OR2B6: variants seen among roughly 807,000 people sequenced by gnomAD.
OR2B6 encodes the protein olfactory receptor family 2 subfamily B member 6.
For missense variants in OR2B6, 350 were observed against 368.9 expected, an observed-to-expected ratio of 0.95 and a Z score of 0.42; for synonymous variants, 130 against 142.7, an observed-to-expected ratio of 0.91 and a Z score of 0.63.
chr6:27,957,713 G>T lies in OR2B6; in HGVS notation c.473G>T (p.Trp158Leu). ...GTTACTGGTTTTAGTAACTCAGTGT[G>T]GTTGTCTACCCTGACTCTCCAGCTG... Reference protein sequence around the residue: ...SWVTGFSNSVWLSTLTLQLPL... With the variant: ...SWVTGFSNSVLLSTLTLQLPL... The change falls in exon 1 of 1, where the codon TGG (tryptophan) becomes TTG (leucine). Residue 158 changes from tryptophan (W) to leucine (L), a missense_variant. Transcript: ENST00000244623. 1 of 1,613,896 alleles carries T rather than the reference G, an allele frequency of 6.2e-7. No individual in the cohort carries two copies. Among genetic ancestry groups the T allele is most frequent in the Non-Finnish European group, 8.5e-7 (1 of 1,179,882 alleles).
At position 27,957,322 on chromosome 6, in the gene OR2B6, C is replaced by T. The variant is rs139328462; in HGVS notation, c.82C>T (p.Leu28Phe). 1.9e-6 allele frequency: 3 copies of T among 1,613,756 alleles called. No individual in the cohort carries two copies. The highest frequency in any genetic ancestry group is 2.5e-6 in the Non-Finnish European group (3 of 1,179,718). The change falls in exon 1 of 1, where the codon CTT becomes TTT. Residue 28 changes from leucine (L) to phenylalanine (F), a missense_variant. By Grantham distance (22) the Leu-to-Phe change is conservative (BLOSUM62 0). Coordinates refer to ENST00000244623, the MANE Select transcript of OR2B6 (RefSeq NM_012367.1). ...TCGACCTTGGCTGGAGTTTCCACTC[C>T]TTGTGGTCTTCTTGATTTCTTACAC... ...SDRPWLEFPL[L>F]VVFLISYTVT... is the part of the protein sequence containing the mutation.
At position 27,957,567 on chromosome 6, in the gene OR2B6, T is replaced by C; in HGVS notation, c.327T>C (p.Ala109=). The stretch of plus-strand genomic sequence containing the variant: ...TTTTCATATTTCTGGCCTTGGGGGC[T>C]ACTGAATATCTTCTCCTGGCCGTCA... ...AQLFIFLALG[A]TEYLLLAVMS... The change falls in exon 1 of 1, where the codon GCT becomes GCC. Residue 109 remains alanine, a synonymous_variant. Transcript: ENST00000244623. 6.2e-7 allele frequency: 1 copy of C among 1,614,140 alleles called. No homozygotes were observed. The highest frequency in any genetic ancestry group is 1.1e-5 in the South Asian group (1 of 91,084).
In OR2B6 at chr6:27,958,119, G is replaced by C; in HGVS notation, c.879G>C (p.Arg293Ser). 6.2e-7 allele frequency: 1 copy of C among 1,613,746 alleles called. No homozygotes were observed. The highest frequency in any genetic ancestry group is 8.5e-7 in the Non-Finnish European group (1 of 1,179,824). The change falls in exon 1 of 1, where the codon AGG (arginine) becomes AGC (serine). Residue 293 changes from arginine (R) to serine (S), a missense_variant. Transcript: ENST00000244623. ...TGAATCCCCTTATATATACACTTAG[G>C]AACAAGGAGGTAAAGGAAGGCTTTA... ...PMLNPLIYTL[R>S]NKEVKEGFKR... is the part of the protein sequence containing the mutation.
At position 27,957,766 on chromosome 6, in the gene OR2B6, C is replaced by T. The variant is rs1316367853; in HGVS notation, c.526C>T (p.His176Tyr). 6.2e-7 allele frequency: 1 copy of T among 1,613,932 alleles called. No individual in the cohort carries two copies. Among genetic ancestry groups the T allele is most frequent in the Admixed American group, 1.7e-5 (1 of 59,970 alleles). The change falls in exon 1 of 1, where the codon CAC (histidine) becomes TAC (tyrosine). Residue 176 changes from histidine to tyrosine, a missense_variant. His to Tyr is a moderately conservative substitution (Grantham distance 83). Coordinates refer to ENST00000244623, the MANE Select transcript of OR2B6 (RefSeq NM_012367.1). ...LPLCDPYVID[H>Y]FLCEVPALLK... is the part of the protein sequence containing the mutation. ...ACTCTGTGACCCCTATGTGATAGAT[C>T]ACTTTCTCTGTGAAGTCCCTGCACT...
In OR2B6 at chr6:27,958,162, GTCT is replaced by G. The variant is rs772384491; in HGVS notation, c.927_929del (p.Phe309del). 1.2e-6 allele frequency: 2 copies of G among 1,612,136 alleles called. No individual in the cohort carries two copies. The highest frequency in any genetic ancestry group is 1.7e-6 in the Non-Finnish European group (2 of 1,178,722). ...AGGCTTTAAAAGGTTGGTTGCAAGA[GTCT>G]TCTTAATCAAGAAATAAGAAATATG... On this transcript the variant is annotated inframe_deletion, in exon 1 of 1. Transcript: ENST00000244623.
chr6:27,957,622 C>T lies in OR2B6; in HGVS notation c.382C>T (p.Arg128Trp), dbSNP rs760271000. Reference sequence around the variant, plus strand: ...CTTTGATAGGTTTGTAGCTATTTGTCGGCCTCTCCATTACTCAGTTATCAT... The same window carrying T: ...CTTTGATAGGTTTGTAGCTATTTGTTGGCCTCTCCATTACTCAGTTATCAT... ...MSFDRFVAIC[R>W]PLHYSVIMHQ... The change falls in exon 1 of 1, where the codon CGG (arginine) becomes TGG (tryptophan). Residue 128 changes from arginine to tryptophan, a missense_variant. Physicochemically the swap from Arg to Trp is moderately radical, Grantham distance 101. Coordinates refer to ENST00000244623, the MANE Select transcript of OR2B6 (RefSeq NM_012367.1). The T allele has an allele frequency of 1.8e-5, 29 of 1,613,862 alleles. No individual in the cohort carries two copies. The highest frequency in any genetic ancestry group is 2.0e-5 in the Non-Finnish European group (24 of 1,179,958).
In OR2B6 at chr6:27,957,760, A is replaced by G. The variant is rs1036358166; in HGVS notation, c.520A>G (p.Ile174Val). ...LQLPLCDPYV[I>V]DHFLCEVPAL... Reference sequence around the variant, plus strand: ...GCTGCCACTCTGTGACCCCTATGTGATAGATCACTTTCTCTGTGAAGTCCC... The same window carrying G: ...GCTGCCACTCTGTGACCCCTATGTGGTAGATCACTTTCTCTGTGAAGTCCC... The change falls in exon 1 of 1, where the codon ATA becomes GTA. Residue 174 changes from isoleucine to valine, a missense_variant. Physicochemically the swap from Ile to Val is conservative, Grantham distance 29. Coordinates refer to ENST00000244623, the MANE Select transcript of OR2B6 (RefSeq NM_012367.1). 27 of 1,613,956 alleles carry G rather than the reference A, an allele frequency of 1.7e-5. No homozygotes were observed. The highest frequency in any genetic ancestry group is 2.3e-5 in the Non-Finnish European group (27 of 1,180,002).
In OR2B6 at chr6:27,957,744, C is replaced by T; in HGVS notation, c.504C>T (p.Leu168=). 6.2e-7 allele frequency: 1 copy of T among 1,614,086 alleles called. No homozygotes were observed. Among genetic ancestry groups the T allele is most frequent in the Non-Finnish European group, 8.5e-7 (1 of 1,179,976 alleles). ...CTACCCTGACTCTCCAGCTGCCACT[C>T]TGTGACCCCTATGTGATAGATCACT... The part of the protein sequence containing the change: ...WLSTLTLQLP[L]CDPYVIDHFL... Residue 168 remains leucine (L), a synonymous_variant, in exon 1 of 1, where the codon CTC becomes CTT. Coordinates refer to ENST00000244623, the MANE Select transcript of OR2B6 (RefSeq NM_012367.1).
chr6:27,957,941 G>A lies in OR2B6; in HGVS notation c.701G>A (p.Arg234Gln), dbSNP rs371766988. Residue 234 changes from arginine (R) to glutamine (Q), a missense_variant, in exon 1 of 1, where the codon CGA becomes CAA. Arg to Gln is a conservative substitution (Grantham distance 43). Transcript: ENST00000244623. ...TTGAGGATACAGTCTGCTGAAGGTCGACAAAAAGCATTTGGGACATGTGGT... is the reference window on the plus strand; with the variant it reads ...TTGAGGATACAGTCTGCTGAAGGTCAACAAAAAGCATTTGGGACATGTGGT... ...AVLRIQSAEG[R>Q]QKAFGTCGSH... 3.7e-6 allele frequency: 6 copies of A among 1,613,552 alleles called. No individual in the cohort carries two copies. Among genetic ancestry groups the A allele is most frequent in the African/African-American group, 1.3e-5 (1 of 74,830 alleles).
rs1280898108 is a variant in OR2B6, at chr6:27,958,131, A to G, written c.891A>G (p.Val297=). ...PLIYTLRNKE[V]KEGFKRLVAR... ...TATATACACTTAGGAACAAGGAGGT[A>G]AAGGAAGGCTTTAAAAGGTTGGTTG... The change falls in exon 1 of 1, where the codon GTA becomes GTG. Residue 297 remains valine, a synonymous_variant. Coordinates refer to ENST00000244623, the MANE Select transcript of OR2B6 (RefSeq NM_012367.1). 1.2e-6 allele frequency: 2 copies of G among 1,613,504 alleles called. No individual in the cohort carries two copies. Among genetic ancestry groups the G allele is most frequent in the Non-Finnish European group, 1.7e-6 (2 of 1,179,726 alleles).
In OR2B6 at chr6:27,958,081, A is replaced by T; in HGVS notation, c.841A>T (p.Ile281Phe). Reference protein sequence around the residue: ...GKMVSLFYGIIAPMLNPLIYT... With the variant: ...GKMVSLFYGIFAPMLNPLIYT... Reference sequence around the variant, plus strand: ...GATGGTTTCTCTCTTCTATGGAATCATTGCACCCATGCTGAATCCCCTTAT... The same window carrying T: ...GATGGTTTCTCTCTTCTATGGAATCTTTGCACCCATGCTGAATCCCCTTAT... Residue 281 changes from isoleucine (I) to phenylalanine (F), a missense_variant, in exon 1 of 1, where the codon ATT (isoleucine) becomes TTT (phenylalanine). Physicochemically the swap from Ile to Phe is conservative, Grantham distance 21. Transcript: ENST00000244623. The T allele has an allele frequency of 6.2e-7, 1 of 1,614,006 alleles. No homozygotes were observed. Among genetic ancestry groups the T allele is most frequent in the Non-Finnish European group, 8.5e-7 (1 of 1,179,936 alleles).
At position 27,957,893 on chromosome 6, in the gene OR2B6, A is replaced by T. The variant is rs1762766424; in HGVS notation, c.653A>T (p.Tyr218Phe). The stretch of plus-strand genomic sequence containing the variant: ...CCCCTGACACTCATCCTTATATCAT[A>T]TGCTTTTATTGTCCGAGCAGTATTG... ...LIPLTLILISYAFIVRAVLRI... is the reference protein window; with the variant it reads ...LIPLTLILISFAFIVRAVLRI... The change falls in exon 1 of 1, where the codon TAT (tyrosine) becomes TTT (phenylalanine). Residue 218 changes from tyrosine (Y) to phenylalanine (F), a missense_variant. Coordinates refer to ENST00000244623, the MANE Select transcript of OR2B6 (RefSeq NM_012367.1). 6.2e-7 allele frequency: 1 copy of T among 1,614,028 alleles called. No homozygotes were observed. The highest frequency in any genetic ancestry group is 1.7e-5 in the Admixed American group (1 of 59,996).
In OR2B6 at chr6:27,957,612, A is replaced by G; in HGVS notation, c.372A>G (p.Val124=). The change falls in exon 1 of 1, where the codon GTA becomes GTG. Residue 124 remains valine, a synonymous_variant. Transcript: ENST00000244623. ...LLAVMSFDRF[V]AICRPLHYSV... ...CCGTCATGTCCTTTGATAGGTTTGT[A>G]GCTATTTGTCGGCCTCTCCATTACT... 1.2e-6 allele frequency: 2 copies of G among 1,614,026 alleles called. No homozygotes were observed. The highest frequency in any genetic ancestry group is 2.2e-5 in the South Asian group (2 of 91,084).
rs758984259 is a variant in OR2B6 at position 27,958,043 on chromosome 6, A to G, written c.803A>G (p.Lys268Arg). ...CTGCAACCACCTTCGCCCAGCTCCA[A>G]GGACCAAGGAAAGATGGTTTCTCTC... Reference protein sequence around the residue: ...VYLQPPSPSSKDQGKMVSLFY... With the variant: ...VYLQPPSPSSRDQGKMVSLFY... Residue 268 changes from lysine (K) to arginine (R), a missense_variant, in exon 1 of 1, where the codon AAG becomes AGG. By Grantham distance (26) the Lys-to-Arg change is conservative. Coordinates refer to ENST00000244623, the MANE Select transcript of OR2B6 (RefSeq NM_012367.1). 1.2e-6 allele frequency: 2 copies of G among 1,614,046 alleles called. No individual in the cohort carries two copies. Among genetic ancestry groups the G allele is most frequent in the Non-Finnish European group, 1.7e-6 (2 of 1,179,970 alleles).
In OR2B6 at chr6:27,957,858, C is replaced by G. The variant is rs748542919; in HGVS notation, c.618C>G (p.Phe206Leu). 1.2e-6 allele frequency: 2 copies of G among 1,614,084 alleles called. No homozygotes were observed. Among genetic ancestry groups the G allele is most frequent in the South Asian group, 1.1e-5 (1 of 91,080 alleles). The change falls in exon 1 of 1, where the codon TTC becomes TTG. Residue 206 changes from phenylalanine to leucine, a missense_variant. By Grantham distance (22) the Phe-to-Leu change is conservative. Coordinates refer to ENST00000244623, the MANE Select transcript of OR2B6 (RefSeq NM_012367.1). Reference sequence around the variant, plus strand: ...AACTATTCCTTGTCAGTGAGCTCTTCCATCTAATACCCCTGACACTCATCC... The same window carrying G: ...AACTATTCCTTGTCAGTGAGCTCTTGCATCTAATACCCCTGACACTCATCC... ...EAELFLVSEL[F>L]HLIPLTLILI... is the part of the protein sequence containing the mutation.
In OR2B6 at chr6:27,957,611, T is replaced by G. The variant is rs764560715; in HGVS notation, c.371T>G (p.Val124Gly). Residue 124 changes from valine (V) to glycine (G), a missense_variant, in exon 1 of 1, where the codon GTA (valine) becomes GGA (glycine). By Grantham distance (109) the Val-to-Gly change is moderately radical (BLOSUM62 -3). Transcript: ENST00000244623. Reference sequence around the variant, plus strand: ...GCCGTCATGTCCTTTGATAGGTTTGTAGCTATTTGTCGGCCTCTCCATTAC... The same window carrying G: ...GCCGTCATGTCCTTTGATAGGTTTGGAGCTATTTGTCGGCCTCTCCATTAC... ...LLAVMSFDRF[V>G]AICRPLHYSV... 2 of 1,614,104 alleles carry G rather than the reference T, an allele frequency of 1.2e-6. No homozygotes were observed. The highest frequency in any genetic ancestry group is 1.7e-6 in the Non-Finnish European group (2 of 1,179,974).
rs1561769815 is a variant in OR2B6, at chr6:27,957,328, G to T, written c.88G>T (p.Val30Phe). Residue 30 changes from valine to phenylalanine, a missense_variant, in exon 1 of 1, where the codon GTC (valine) becomes TTC (phenylalanine). Transcript: ENST00000244623. ...TTGGCTGGAGTTTCCACTCCTTGTG[G>T]TCTTCTTGATTTCTTACACTGTGAC... Reference protein sequence around the residue: ...RPWLEFPLLVVFLISYTVTIF... With the variant: ...RPWLEFPLLVFFLISYTVTIF... The T allele has an allele frequency of 8.7e-6, 14 of 1,613,820 alleles. No individual in the cohort carries two copies. The highest frequency in any genetic ancestry group is 1.2e-5 in the Non-Finnish European group (14 of 1,179,784).
Position 27,957,977 on chromosome 6 carries a change from T to G in OR2B6, c.737T>G (p.Ile246Ser). Reference sequence around the variant, plus strand: ...TTTGGGACATGTGGTTCCCATCTAATTGTGGTGTCTCTTTTTTATAGTACA... The same window carrying G: ...TTTGGGACATGTGGTTCCCATCTAAGTGTGGTGTCTCTTTTTTATAGTACA... ...KAFGTCGSHLIVVSLFYSTAV... is the reference protein window; with the variant it reads ...KAFGTCGSHLSVVSLFYSTAV... The change falls in exon 1 of 1, where the codon ATT (isoleucine) becomes AGT (serine). Residue 246 changes from isoleucine (I) to serine (S), a missense_variant. By Grantham distance (142) the Ile-to-Ser change is moderately radical (BLOSUM62 -2). Coordinates refer to ENST00000244623, the MANE Select transcript of OR2B6 (RefSeq NM_012367.1). 6.2e-7 allele frequency: 1 copy of G among 1,613,626 alleles called. No homozygotes were observed. Among genetic ancestry groups the G allele is most frequent in the Non-Finnish European group, 8.5e-7 (1 of 1,179,710 alleles).
In OR2B6 at chr6:27,957,908, G is replaced by A. The variant is rs767379021; in HGVS notation, c.668G>A (p.Arg223Gln). ...CTTATATCATATGCTTTTATTGTCC[G>A]AGCAGTATTGAGGATACAGTCTGCT... is the stretch of plus-strand genomic sequence containing the variant. Reference protein sequence around the residue: ...LILISYAFIVRAVLRIQSAEG... With the variant: ...LILISYAFIVQAVLRIQSAEG... The change falls in exon 1 of 1, where the codon CGA (arginine) becomes CAA (glutamine). Residue 223 changes from arginine (R) to glutamine (Q), a missense_variant. Arg to Gln is a conservative substitution (Grantham distance 43). Coordinates refer to ENST00000244623, the MANE Select transcript of OR2B6 (RefSeq NM_012367.1). The A allele has an allele frequency of 2.4e-5, 38 of 1,613,864 alleles. No individual in the cohort carries two copies. The highest frequency in any genetic ancestry group is 2.0e-5 in the Non-Finnish European group (24 of 1,179,982).
Sources: gnomAD v4.1 joint callset for allele counts on GRCh38, gnomAD v4.1.1 for gene constraint, MANE v1.5 for transcripts, NCBI Gene and HGNC (gene_info 2026-07-23, HGNC 2026-07-21) for gene names.